Variants in ASCC2 observed in about 807,000 individuals in gnomAD.
ASCC2 encodes the protein ASC-1 complex subunit P100.
ASCC2 carries 42 observed loss-of-function variants against 93.5 expected under a neutral mutation model. The observed-to-expected ratio is 0.45, with a 90% CI of 0.35 to 0.58. The LOEUF is 0.58. Ranked by LOEUF, ASCC2 falls within the 20% of genes least tolerant of loss-of-function variation. ASCC2 has a pLI of 0.00. For synonymous variants in ASCC2, 364 were observed against 384.2 expected (o/e 0.95, Z 0.62); for missense variants, 859 against 977.6 (o/e 0.88, Z 1.62).
In ASCC2 at chr22:29,797,350, G is replaced by C. The variant is rs553251326; in HGVS notation, c.1688+3641C>G. 2.9e-4 allele frequency among the ~76,000 whole-genome samples: 44 copies of C among 152,300 alleles called. No individual in the cohort carries two copies. The South Asian group carries it at 9.1e-3, about 32-fold the overall frequency. ...GCCCAATTCAAACTGGTCCTTAGCA[G>C]GGTGACTCCTGCCTTTGAACTTCTA... On this transcript the variant is annotated intron_variant, in intron 15 of 19. Transcript: ENST00000307790.
Position 29,825,255 on chromosome 22 carries a change from C to T in ASCC2, c.243G>A (p.Val81=), listed in dbSNP as rs372452357. Residue 81 remains valine, a splice_region_variant and synonymous_variant, in exon 4 of 20, where the codon GTG becomes GTA. Coordinates refer to ENST00000307790, the MANE Select transcript of ASCC2 (RefSeq NM_032204.5). The surrounding 1 kb of genome is among the most constrained non-coding windows in gnomAD (Gnocchi z 4.9). ...ACTTCTGTAGAGTCTCGTCAAAGAT[C>T]ACCTAAACCAGGAGACAGAGGAGAG... ...ALPHDKFWCQ[V]IFDETLQKCL... The T allele has an allele frequency of 6.6e-7, 1 of 1,510,998 alleles. No homozygotes were observed. The allele number at this position is 1,510,998 out of a possible 1,614,324, so 93.6% of individuals were successfully genotyped here. A position where few individuals can be genotyped will look rare whatever the true frequency, so the allele number is the denominator to read the frequency against.
At chr22:29,821,644 C>G (rs779332516) in intron 5 of ASCC2, among the ~76,000 whole-genome samples, 2 of 152,208 alleles carry the variant, frequency 1.3e-5, no homozygotes, top group Non-Finnish European at 2.9e-5. Flanking sequence ...TTCTTACATT[C>G]GTCGCCAAAG....
intron 15 of ASCC2, among the ~76,000 whole-genome samples, chr22:29,798,100 C>T (rs1027592350): frequency 4.6e-5 from 7 of 152,154 alleles, no homozygotes; most frequent in African/African-American, 1.7e-4. Context: ...TTCCAGGGCA[C>T]CATGGAATGG....
rs759750311 is a variant in ASCC2 at position 29,825,258 on chromosome 22, C to G, written c.241-1G>C. 3 of 1,514,668 alleles carry G rather than the reference C, an allele frequency of 2.0e-6. No homozygotes were observed. Among genetic ancestry groups the G allele is most frequent in the Non-Finnish European group, 2.7e-6 (3 of 1,132,060 alleles). 93.8% of individuals were successfully genotyped at this position (1,514,668 alleles called of 1,614,324 possible). A position where few individuals can be genotyped will look rare whatever the true frequency, so the allele number is the denominator to read the frequency against. ...TCTGTAGAGTCTCGTCAAAGATCACCTAAACCAGGAGACAGAGGAGAGCGA... is the reference window on the plus strand; with the variant it reads ...TCTGTAGAGTCTCGTCAAAGATCACGTAAACCAGGAGACAGAGGAGAGCGA... On this transcript the variant is annotated splice_acceptor_variant, in intron 3 of 19. Coordinates refer to ENST00000307790, the MANE Select transcript of ASCC2 (RefSeq NM_032204.5). LOFTEE classifies it high-confidence loss of function. This position sits in a 1 kb window ranked among gnomAD's most constrained non-coding sequence, Gnocchi z 4.9.
intron 8 of ASCC2, among the ~76,000 whole-genome samples, chr22:29,811,797 C>T (rs544517930): frequency 5.8e-4 from 89 of 152,334 alleles, no homozygotes; most frequent in Non-Finnish European, 1.1e-3. Flanking sequence ...CTTTCAAAAG[C>T]AATCTGTGCC....
intron 13 of ASCC2, 45 bp from the exon 14 acceptor site, chr22:29,802,253 G>A (rs774457551): frequency 4.4e-6 from 7 of 1,586,162 alleles, no homozygotes; most frequent in African/African-American, 2.7e-5. Flanking sequence ...TAAGTGGGCC[G>A]GTGATAGGGC....
chr22:29,799,547 A>G (rs898287771), intron 15 of ASCC2, among the ~76,000 whole-genome samples: 8 of 152,174 alleles, frequency 5.3e-5, no homozygotes, highest in African/African-American at 1.9e-4. Flanking sequence ...TGGGGCTCCT[A>G]CCACAGGAAC....
chr22:29,788,929 C>A lies in ASCC2; in HGVS notation c.*84G>T, dbSNP rs565880057. 54 of 1,562,588 alleles carry A rather than the reference C, an allele frequency of 3.5e-5. No individual in the cohort carries two copies. In the African/African-American group the frequency reaches 6.9e-4, roughly 20 times the overall value. On this transcript the variant is annotated 3_prime_UTR_variant, in exon 20 of 20. Transcript: ENST00000307790. ...TTGAGGGGTTGAGTTGAACTTGGGG[C>A]CCCTAGTGAGGAGGCCCCAGGCGAT...
intron 15 of ASCC2, among the ~76,000 whole-genome samples, chr22:29,798,241 C>T (rs1437162107): frequency 6.6e-6 from 1 of 152,162 alleles, no homozygotes; most frequent in Non-Finnish European, 1.5e-5. Context: ...ACAGACCCTA[C>T]ATTTTCTTTA....
rs141738187 is a variant in ASCC2 at position 29,801,175 on chromosome 22, T to C, written c.1569-65A>G. ...CCAGCTGATGCAATCTGCACCCCAC[T>C]TCCCCCTGCTGTATTAAATCCATCG... On this transcript the variant is annotated intron_variant, in intron 14 of 19. Coordinates refer to ENST00000307790, the MANE Select transcript of ASCC2 (RefSeq NM_032204.5). 5.9e-6 allele frequency: 9 copies of C among 1,524,402 alleles called. No homozygotes were observed. In the Admixed American group the frequency reaches 1.3e-4, roughly 22 times the overall value. 94.4% of individuals were successfully genotyped at this position (1,524,402 alleles called of 1,614,324 possible).
intron 13 of ASCC2, among the ~76,000 whole-genome samples, chr22:29,803,266 AAAAC>A (rs1030834789): frequency 1.3e-4 from 20 of 151,700 alleles, no homozygotes; most frequent in African/African-American, 3.9e-4. Context: ...AAAAAAACAA[AAAAC>A]AAACAAACAA....
chr22:29,793,164 C>T (rs979114111), intron 17 of ASCC2, among the ~76,000 whole-genome samples, 196 bp downstream of exon 17: 2 of 152,124 alleles, frequency 1.3e-5, no homozygotes, highest in African/African-American at 4.8e-5. Flanking sequence ...AAAAGAAAAA[C>T]GCAAAGCTAC....
chr22:29,814,560 G>T, intron 7 of ASCC2, 97 bp downstream of exon 7: 1 of 978,334 alleles, frequency 1.0e-6, no homozygotes, highest in Non-Finnish European at 1.5e-6. Context: ...AGAGGCCACT[G>T]GGTCCTCTAC....
Position 29,807,009 on chromosome 22 carries a change from T to C in ASCC2, c.909-105A>G, listed in dbSNP as rs1048337235. 42 of 806,860 alleles carry C rather than the reference T, an allele frequency of 5.2e-5. No homozygotes were observed. In the African/African-American group the frequency reaches 5.6e-4, roughly 11 times the overall value. 50.0% of individuals were successfully genotyped at this position (806,860 alleles called of 1,614,324 possible). On this transcript the variant is annotated intron_variant, in intron 9 of 19. Transcript: ENST00000307790. ...ACCCTAGCATCTTGGGAATCTGAGG[T>C]GGGAGGATCACTTGAGCCCCAGGAG...
chr22:29,835,282 C>T (rs532943676), intron 1 of ASCC2, among the ~76,000 whole-genome samples: 1 of 152,102 alleles, frequency 6.6e-6, no homozygotes, highest in East Asian at 1.9e-4. Flanking sequence ...CCTGTAGTCC[C>T]AGCTACTTAG....
At chr22:29,819,468 A>G (rs574851788) in intron 5 of ASCC2, among the ~76,000 whole-genome samples, 2 of 152,234 alleles carry the variant, frequency 1.3e-5, no homozygotes, top group East Asian at 1.9e-4. Flanking sequence ...AGCCTCAACA[A>G]CCCAATGTAA....
Position 29,788,847 on chromosome 22 carries a change from T to A in ASCC2, c.*166A>T. On this transcript the variant is annotated 3_prime_UTR_variant, in exon 20 of 20. Coordinates refer to ENST00000307790, the MANE Select transcript of ASCC2 (RefSeq NM_032204.5). ...CACTGTGTGTTCTGCAGGAAGGCGCTCATGGCTGGCTGGTAGATGAGAGGC... is the reference window on the plus strand; with the variant it reads ...CACTGTGTGTTCTGCAGGAAGGCGCACATGGCTGGCTGGTAGATGAGAGGC... The A allele has an allele frequency of 1.3e-6, 1 of 795,940 alleles. No individual in the cohort carries two copies. The highest frequency in any genetic ancestry group is 2.0e-6 in the Non-Finnish European group (1 of 497,384). 49.3% of individuals were successfully genotyped at this position (795,940 alleles called of 1,614,324 possible).
intron 19 of ASCC2, among the ~76,000 whole-genome samples, 174 bp downstream of exon 19, chr22:29,790,295 T>A (rs1279356595): frequency 6.6e-6 from 1 of 152,086 alleles, no homozygotes; most frequent in Non-Finnish European, 1.5e-5. Context: ...GGGCCTGAGT[T>A]TTTTCATCTG....
chr22:29,822,645 A>C (rs1358623340), intron 4 of ASCC2, among the ~76,000 whole-genome samples, 181 bp from the exon 5 acceptor site: 1 of 145,746 alleles, frequency 6.9e-6, no homozygotes, highest in African/African-American at 2.5e-5. Context: ...TTTAAATGTT[A>C]ATCTATCTAT....
Sources: gnomAD v4.1 joint callset for allele counts (sites outside exome capture counted in the v4.1 genomes callset) on GRCh38, gnomAD v4.1.1 for gene constraint, Gnocchi (gnomAD v3.1) non-coding constraint, MANE v1.5 for transcripts, NCBI Gene and HGNC (gene_info 2026-07-23, HGNC 2026-07-21) for gene names.